PEDS1: variants seen among roughly 807,000 people sequenced by gnomAD.
PEDS1 encodes plasmanylethanolamine desaturase 1.
In PEDS1, 14 loss-of-function variants were observed where a neutral mutation model predicts 35.2. The ratio of observed to expected loss-of-function variants is 0.40; its 90% confidence interval spans 0.26 to 0.62. The LOEUF is 0.62. PEDS1 is among the 20% of genes least tolerant of loss of function. PEDS1 has a pLI of 0.44. For synonymous variants in PEDS1, 152 were observed against 152.0 expected, an observed-to-expected ratio of 1.00 and a Z score of 0.00; for missense variants, 260 against 367.8, an observed-to-expected ratio of 0.71 and a Z score of 2.40.
Position 50,118,934 on chromosome 20 carries a change from A to G in PEDS1, c.*6124T>C, listed in dbSNP as rs1423043498. On this transcript the variant is annotated 3_prime_UTR_variant, in exon 6 of 6. Coordinates refer to ENST00000371652, the MANE Select transcript of PEDS1 (RefSeq NM_199129.4). ...CCACATTTTTACATGTGAACTTCTG[A>G]AATCAGGATGCATCTTAGAATCAGT... is the stretch of plus-strand genomic sequence containing the variant. 6.6e-6 allele frequency: 1 copy of G among 152,192 alleles called. No homozygotes were observed. Among genetic ancestry groups the G allele is most frequent in the Admixed American group, 6.5e-5 (1 of 15,272 alleles). 9.4% of individuals were successfully genotyped at this position (152,192 alleles called of 1,614,324 possible).
chr20:50,134,578 C>T (rs1411398263), intron 2 of PEDS1, among the ~76,000 whole-genome samples: 5 of 152,134 alleles, frequency 3.3e-5, no homozygotes, highest in Non-Finnish European at 7.3e-5. Flanking sequence ...ATGCTGCCTT[C>T]ATGAAAGAAA....
intron 5 of PEDS1, among the ~76,000 whole-genome samples, chr20:50,127,204 C>T: frequency 6.6e-6 from 1 of 152,170 alleles, no homozygotes; most frequent in East Asian, 1.9e-4. Context: ...GCAAAGCCCC[C>T]ACTTCCTTCT....
intron 1 of PEDS1, among the ~76,000 whole-genome samples, chr20:50,150,603 C>T (rs1241776884): frequency 6.6e-6 from 1 of 152,214 alleles, no homozygotes; most frequent in Non-Finnish European, 1.5e-5. Flanking sequence ...TATGTATTTG[C>T]TCCACAGCGC....
intron 2 of PEDS1, among the ~76,000 whole-genome samples, chr20:50,132,707 C>T (rs1663409076): frequency 6.6e-6 from 1 of 152,174 alleles, no homozygotes; most frequent in Non-Finnish European, 1.5e-5. Context: ...TTTAGTCTGG[C>T]TTGTGGCTGC....
chr20:50,151,385 G>A, intron 1 of PEDS1: 1 of 1,012,186 alleles, frequency 9.9e-7, no homozygotes. Context: ...AATCCCTGGG[G>A]AGGCTCAGAA....
At chr20:50,151,657 A>G (rs1426022574) in intron 1 of PEDS1, among the ~76,000 whole-genome samples, 1 of 152,210 alleles carries the variant, frequency 6.6e-6, no homozygotes, top group East Asian at 1.9e-4. Context: ...CAAGAGATCG[A>G]GACCACCCTG....
chr20:50,137,436 T>C (rs1310542065), intron 2 of PEDS1, among the ~76,000 whole-genome samples: 1 of 152,186 alleles, frequency 6.6e-6, no homozygotes, highest in Non-Finnish European at 1.5e-5. Context: ...GTCTGTACTT[T>C]TGCTATGATG....
intron 2 of PEDS1, among the ~76,000 whole-genome samples, chr20:50,139,203 A>C (rs2081267284): frequency 6.6e-6 from 1 of 152,004 alleles, no homozygotes; most frequent in Non-Finnish European, 1.5e-5. Context: ...CTCTGCCCGG[A>C]AGGCTTCTCC....
intron 2 of PEDS1, among the ~76,000 whole-genome samples, chr20:50,141,801 C>T (rs2081294111): frequency 6.6e-6 from 1 of 152,236 alleles, no homozygotes; most frequent in Non-Finnish European, 1.5e-5. Flanking sequence ...GTTCATCTCT[C>T]TCCCCTCCAG....
chr20:50,128,172 A>G lies in PEDS1; in HGVS notation c.494T>C (p.Leu165Pro). The change falls in exon 5 of 6, where the codon CTA becomes CCA. Residue 165 changes from leucine (L) to proline (P), a missense_variant. Physicochemically the swap from Leu to Pro is moderately conservative, Grantham distance 98. Around this residue, in one of 4 missense-constraint regions of PEDS1, gnomAD observed 83 missense variants for 142.8 expected, o/e 0.58. Coordinates refer to ENST00000371652, the MANE Select transcript of PEDS1 (RefSeq NM_199129.4). The surrounding 1 kb of genome is among the most constrained non-coding windows in gnomAD (Gnocchi z 5.2). ...RTHSPEALEQ[L>P]YPWECFVFCL... ...GAAGACGAAGCACTCCCAGGGGTATAGCTGCTCCAGGGCTTCTGCAGGTTG... is the reference window on the plus strand; with the variant it reads ...GAAGACGAAGCACTCCCAGGGGTATGGCTGCTCCAGGGCTTCTGCAGGTTG... 1 of 1,614,020 alleles carries G rather than the reference A, an allele frequency of 6.2e-7. No homozygotes were observed. The highest frequency in any genetic ancestry group is 8.5e-7 in the Non-Finnish European group (1 of 1,180,008).
intron 2 of PEDS1, among the ~76,000 whole-genome samples, chr20:50,142,682 G>GCCCC (rs3091914): frequency 8.8e-5 from 3 of 33,952 alleles, no homozygotes; most frequent in Admixed American, 3.9e-4. Context: ...CAAGTCATCC[G>GCCCC]CCCCCCCCCC....
intron 2 of PEDS1, among the ~76,000 whole-genome samples, chr20:50,137,058 G>A (rs1209207809): frequency 6.6e-6 from 1 of 152,068 alleles, no homozygotes; most frequent in East Asian, 1.9e-4. Flanking sequence ...GGGGGGAGCA[G>A]AGTAACTTTT....
Position 50,129,785 on chromosome 20 carries a change from C to T in PEDS1, c.334-95G>A, listed in dbSNP as rs2081155056. Reference sequence around the variant, plus strand: ...ACACATTCACCCTGGGCTCACCTCCCGCCTTTGATCCTAAGTTTCCTCCAC... The same window carrying T: ...ACACATTCACCCTGGGCTCACCTCCTGCCTTTGATCCTAAGTTTCCTCCAC... On this transcript the variant is annotated intron_variant, in intron 3 of 5. Transcript: ENST00000371652. This position sits in a 1 kb window ranked among gnomAD's most constrained non-coding sequence, Gnocchi z 4.2. The T allele has an allele frequency of 1.2e-5, 18 of 1,531,952 alleles. No individual in the cohort carries two copies. Among genetic ancestry groups the T allele is most frequent in the Non-Finnish European group, 1.6e-5 (18 of 1,140,422 alleles). 94.9% of individuals were successfully genotyped at this position (1,531,952 alleles called of 1,614,324 possible). A position where few individuals can be genotyped will look rare whatever the true frequency, so the allele number is the denominator to read the frequency against.
Position 50,128,212 on chromosome 20 carries a change from C to A in PEDS1, c.479-25G>T, listed in dbSNP as rs141662240. 1 of 1,612,732 alleles carries A rather than the reference C, an allele frequency of 6.2e-7. No homozygotes were observed. Among genetic ancestry groups the A allele is most frequent in the Non-Finnish European group, 8.5e-7 (1 of 1,179,524 alleles). On this transcript the variant is annotated intron_variant, in intron 4 of 5. Transcript: ENST00000371652. This position sits in a 1 kb window ranked among gnomAD's most constrained non-coding sequence, Gnocchi z 5.2. The stretch of plus-strand genomic sequence containing the variant: ...TCTGCAGGTTGGGGAGAGGGGGGGC[C>A]GGCACAGCTGTCACTCGGGACGGGG...
At chr20:50,139,685 T>C (rs2081273368) in intron 2 of PEDS1, among the ~76,000 whole-genome samples, 1 of 150,948 alleles carries the variant, frequency 6.6e-6, no homozygotes, top group South Asian at 2.1e-4. Context: ...CTTTCTTTTT[T>C]TTTTTTTTTT....
At chr20:50,147,087 TG>T (rs2081353779) in intron 1 of PEDS1, among the ~76,000 whole-genome samples, 1 of 152,118 alleles carries the variant, frequency 6.6e-6, no homozygotes, top group Admixed American at 6.5e-5. Context: ...GGACAGGAAG[TG>T]GGCAGAGCCA....
intron 2 of PEDS1, among the ~76,000 whole-genome samples, chr20:50,142,685 C>T (rs1209418406): frequency 5.8e-5 from 5 of 86,570 alleles, no homozygotes; most frequent in South Asian, 7.9e-4. Flanking sequence ...GTCATCCGCC[C>T]CCCCCCCCCC....
chr20:50,132,698 T>C (rs1190535118), intron 2 of PEDS1, among the ~76,000 whole-genome samples: 1 of 152,154 alleles, frequency 6.6e-6, no homozygotes, highest in Non-Finnish European at 1.5e-5. Context: ...GGCCAGGGCT[T>C]TAGTCTGGCT....
chr20:50,141,711 G>C (rs2081293197), intron 2 of PEDS1, among the ~76,000 whole-genome samples: 1 of 152,244 alleles, frequency 6.6e-6, no homozygotes, highest in Non-Finnish European at 1.5e-5. Context: ...GAGGCAGAGA[G>C]GCTGGGGGTG....
Sources: gnomAD v4.1 joint callset for allele counts (sites outside exome capture counted in the v4.1 genomes callset) on GRCh38, gnomAD v4.1.1 for gene constraint, gnomAD v4.1.1 regional missense constraint, Gnocchi (gnomAD v3.1) non-coding constraint, MANE v1.5 for transcripts, NCBI Gene and HGNC (gene_info 2026-07-23, HGNC 2026-07-21) for gene names.